SCLT1: variants seen among roughly 807,000 people sequenced by gnomAD.
SCLT1 encodes sodium channel-associated protein 1.
In SCLT1, 78 loss-of-function variants were observed where a neutral mutation model predicts 112.8. That is an observed-to-expected ratio of 0.69 (90% CI 0.58 to 0.83). The LOEUF (loss-of-function observed/expected upper bound fraction) is 0.83. Ranked by LOEUF, SCLT1 falls within the 40% of genes least tolerant of loss-of-function variation. SCLT1 has a pLI of 0.00. For synonymous variants in SCLT1, 257 were observed against 254.7 expected, an observed-to-expected ratio of 1.01 and a Z score of -0.09; for missense variants, 747 against 770.4, an observed-to-expected ratio of 0.97 and a Z score of 0.36.
At position 129,044,023 on chromosome 4, in the gene SCLT1, T is replaced by C. The variant is rs752603981; in HGVS notation, c.131A>G (p.Asp44Gly). The C allele has an allele frequency of 6.4e-7, 1 of 1,570,582 alleles. No individual in the cohort carries two copies. The highest frequency in any genetic ancestry group is 1.7e-5 in the Admixed American group (1 of 57,376). ...GTCAAATACTAGGTTTTCAAATGTG[T>C]CGTCTCCTTCTCCTTGGCAGACAGC... ...QKAVCQGEGD[D>G]TFENLVFDQS... Residue 44 changes from aspartate to glycine, a missense_variant, in exon 3 of 21, where the codon GAC becomes GGC. Asp to Gly is a moderately conservative substitution (Grantham distance 94, BLOSUM62 -1). Around this residue, in one of 2 missense-constraint regions of SCLT1, gnomAD observed 723 missense variants for 721.3 expected, o/e 1.00. Transcript: ENST00000281142.
chr4:128,945,440 T>C (rs1738065350), intron 16 of SCLT1, among the ~76,000 whole-genome samples: 1 of 152,128 alleles, frequency 6.6e-6, no homozygotes, highest in African/African-American at 2.4e-5. Context: ...CAAGATCTCT[T>C]ACTAAAAAAA....
chr4:129,066,883 CTAAGT>C (rs1750535052), intron 2 of SCLT1, among the ~76,000 whole-genome samples: 1 of 151,916 alleles, frequency 6.6e-6, no homozygotes, highest in South Asian at 2.1e-4. Context: ...TTGAAAAACA[CTAAGT>C]TAAGGATAGT....
intron 5 of SCLT1, among the ~76,000 whole-genome samples, chr4:129,021,396 G>C (rs969081403): frequency 1.3e-5 from 2 of 152,154 alleles, no homozygotes; most frequent in Admixed American, 1.3e-4. Flanking sequence ...GGTCTTGCTC[G>C]GCGGGTCCAA....
At chr4:129,032,096 G>T (rs907249957) in intron 5 of SCLT1, among the ~76,000 whole-genome samples, 1 of 151,992 alleles carries the variant, frequency 6.6e-6, no homozygotes, top group Non-Finnish European at 1.5e-5. Flanking sequence ...ATACTACAAG[G>T]CTACAGTAAC....
chr4:128,892,952 TC>T (rs1180666706), intron 18 of SCLT1, among the ~76,000 whole-genome samples: 1 of 151,234 alleles, frequency 6.6e-6, no homozygotes, highest in Admixed American at 6.6e-5. Context: ...TGCCCAACCA[TC>T]CCCCCGACAA....
chr4:128,944,629 T>C (rs1737986612), intron 16 of SCLT1: 1 of 152,076 alleles, frequency 6.6e-6, no homozygotes, highest in South Asian at 2.1e-4. Context: ...TTCCTGAAAT[T>C]AGAAATGGAC....
intron 18 of SCLT1, among the ~76,000 whole-genome samples, chr4:128,891,777 T>C (rs1203057975): frequency 6.6e-6 from 1 of 151,722 alleles, no homozygotes; most frequent in African/African-American, 2.4e-5. Flanking sequence ...CCCGAGTAGC[T>C]GGGACTACAG....
chr4:128,947,453 C>A (rs1738271473), intron 15 of SCLT1, among the ~76,000 whole-genome samples: 1 of 151,946 alleles, frequency 6.6e-6, no homozygotes, highest in Non-Finnish European at 1.5e-5. Context: ...TTGTGTATTA[C>A]TCTTTTACTG....
At chr4:129,085,199 C>T (rs1002847546) in intron 1 of SCLT1, among the ~76,000 whole-genome samples, 4 of 151,984 alleles carry the variant, frequency 2.6e-5, no homozygotes, top group Non-Finnish European at 5.9e-5. Flanking sequence ...AAAAAGTGGG[C>T]AAAGCTCATG....
chr4:129,000,140 G>A (rs1359393604), intron 6 of SCLT1, among the ~76,000 whole-genome samples: 1 of 151,806 alleles, frequency 6.6e-6, no homozygotes, highest in Admixed American at 6.6e-5. Flanking sequence ...TCCTGGTAAA[G>A]TACAATATTT....
chr4:128,930,969 G>A (rs1422369425), intron 18 of SCLT1, among the ~76,000 whole-genome samples: 1 of 151,998 alleles, frequency 6.6e-6, no homozygotes, highest in African/African-American at 2.4e-5. Context: ...CATAAAAATA[G>A]AAAGTAAAAG....
intron 9 of SCLT1, among the ~76,000 whole-genome samples, chr4:128,975,624 T>C (rs975620542): frequency 3.3e-5 from 5 of 152,160 alleles, no homozygotes; most frequent in Admixed American, 2.0e-4. Context: ...TAAAAGCTAG[T>C]TTTTGCTGAT....
intron 14 of SCLT1, among the ~76,000 whole-genome samples, chr4:128,950,735 A>G (rs992607078): frequency 1.3e-5 from 2 of 152,216 alleles, no homozygotes; most frequent in Non-Finnish European, 2.9e-5. Flanking sequence ...ACTAAAAAAA[A>G]GACTTCCAAA....
In SCLT1 at chr4:128,970,391, T is replaced by G. The variant is rs200804651; in HGVS notation, c.764A>C (p.Gln255Pro). Residue 255 changes from glutamine (Q) to proline (P), a missense_variant, in exon 10 of 21, where the codon CAG (glutamine) becomes CCG (proline). Transcript: ENST00000281142. ...AATAGAAAATACCTTCTTTTTCATC[T>G]GTCCCTGCAGATCTTCAGTCACATT... ...LTNVTEDLQG[Q>P]MKKKEKDVVS... is the part of the protein sequence containing the mutation. The G allele has an allele frequency of 1.9e-6, 3 of 1,580,160 alleles. No homozygotes were observed. The highest frequency in any genetic ancestry group is 2.6e-6 in the Non-Finnish European group (3 of 1,149,982).
Position 129,089,902 on chromosome 4 carries a change from T to G in SCLT1, c.34+3168A>C, listed in dbSNP as rs530201429. On this transcript the variant is annotated intron_variant, in intron 1 of 20. Transcript: ENST00000281142. ...AAGGGAGGGATAGCATTAGGAGAAA[T>G]ACCTAATGCAGGTGACGGGTTGATG... 4.2e-4 allele frequency among the ~76,000 whole-genome samples: 64 copies of G among 152,128 alleles called. 2 individuals carry two copies. In the South Asian group the frequency reaches 0.013, roughly 32 times the overall value.
chr4:129,028,162 A>G (rs1334882012), intron 5 of SCLT1, among the ~76,000 whole-genome samples: 1 of 152,210 alleles, frequency 6.6e-6, no homozygotes, highest in Non-Finnish European at 1.5e-5. Flanking sequence ...TCTTCACAGA[A>G]CTGGAAAAAA....
intron 9 of SCLT1, among the ~76,000 whole-genome samples, chr4:128,974,383 T>C (rs1740962752): frequency 6.6e-6 from 1 of 151,690 alleles, no homozygotes. Flanking sequence ...CATAACTAGA[T>C]AGCCAGGCTA....
intron 2 of SCLT1, among the ~76,000 whole-genome samples, chr4:129,065,066 G>GT (rs1331638841): frequency 2.0e-5 from 3 of 151,962 alleles, no homozygotes; most frequent in African/African-American, 7.2e-5. Flanking sequence ...CATGGTGAAA[G>GT]AATTCTCCCT....
At chr4:128,879,248 G>T (rs767890195), downstream of SCLT1, among the ~76,000 whole-genome samples, 2 of 152,148 alleles carry the variant, frequency 1.3e-5, no homozygotes, top group African/African-American at 2.4e-5. Context: ...TCCTTGAACT[G>T]CAAGGACAGA....
Sources: gnomAD v4.1 joint callset for allele counts (sites outside exome capture counted in the v4.1 genomes callset) on GRCh38, gnomAD v4.1.1 for gene constraint, gnomAD v4.1.1 regional missense constraint, MANE v1.5 for transcripts, NCBI Gene and HGNC (gene_info 2026-07-23, HGNC 2026-07-21) for gene names.